Variants in KCNJ6 observed in about 807,000 individuals in gnomAD.
The protein encoded by KCNJ6 is potassium inwardly rectifying channel subfamily J member 6, also known as G protein-activated inward rectifier potassium channel 2.
A neutral mutation model predicts 34.2 loss-of-function variants in KCNJ6; 9 were observed. The ratio of observed to expected loss-of-function variants is 0.26; its 90% CI spans 0.16 to 0.46. The LOEUF is 0.46. Among genes scored for constraint, KCNJ6 ranks in the 20% least tolerant of loss-of-function variants. The pLI is 1.00. For missense variants in KCNJ6, 236 were observed against 531.3 expected, an observed-to-expected ratio of 0.44 and a Z score of 5.46; for synonymous variants, 196 against 207.1, an observed-to-expected ratio of 0.95 and a Z score of 0.46.
chr21:37,863,860 GTTT>G (rs56800970), intron 1 of KCNJ6, among the ~76,000 whole-genome samples: 19 of 81,094 alleles, frequency 2.3e-4, no homozygotes, highest in East Asian at 4.8e-4. Flanking sequence ...TTTTTTTTTT[GTTT>G]TTTTTTTTTT....
intron 3 of KCNJ6, among the ~76,000 whole-genome samples, chr21:37,655,335 C>A (rs1260708127): frequency 4.0e-5 from 6 of 151,474 alleles, no homozygotes; most frequent in Admixed American, 1.3e-4. Flanking sequence ...GCTCCTCCAC[C>A]AACACCCTCC....
intron 2 of KCNJ6, among the ~76,000 whole-genome samples, chr21:37,731,320 G>A (rs745374051): frequency 7.9e-5 from 12 of 152,066 alleles, no homozygotes; most frequent in Non-Finnish European, 1.8e-4. Flanking sequence ...TGGAGGAGAA[G>A]GGATAAGGCT....
chr21:37,772,577 C>A (rs577073230), intron 2 of KCNJ6, among the ~76,000 whole-genome samples: 68 of 152,166 alleles, frequency 4.5e-4, no homozygotes, highest in Middle Eastern at 3.4e-3. Context: ...TTTTAAAAGA[C>A]AAAATTATAA....
chr21:37,773,658 A>G (rs895034801), intron 2 of KCNJ6, among the ~76,000 whole-genome samples: 1 of 152,048 alleles, frequency 6.6e-6, no homozygotes, highest in African/African-American at 2.4e-5. Flanking sequence ...CGTTAAATTC[A>G]TCATCTCTAT....
chr21:37,877,705 G>A (rs948375506), intron 1 of KCNJ6, among the ~76,000 whole-genome samples: 3 of 151,942 alleles, frequency 2.0e-5, no homozygotes, highest in African/African-American at 7.2e-5. Flanking sequence ...CAGTCGGATC[G>A]GCCACAGGTG....
chr21:37,846,411 G>A (rs2055508409), intron 1 of KCNJ6, among the ~76,000 whole-genome samples: 1 of 150,204 alleles, frequency 6.7e-6, no homozygotes, highest in Non-Finnish European at 1.5e-5. Flanking sequence ...GTGTGAGGGA[G>A]AGAGGAGGAT....
At chr21:37,699,475 C>A (rs975339826) in intron 3 of KCNJ6, among the ~76,000 whole-genome samples, 1 of 152,184 alleles carries the variant, frequency 6.6e-6, no homozygotes, top group Non-Finnish European at 1.5e-5. Context: ...TTCTGGAAAG[C>A]GATCACCCTT....
chr21:37,668,770 G>A (rs2054528844), intron 3 of KCNJ6, among the ~76,000 whole-genome samples: 1 of 152,164 alleles, frequency 6.6e-6, no homozygotes, highest in African/African-American at 2.4e-5. Context: ...GCTGAGGAAG[G>A]AGAAGGATCC....
intron 1 of KCNJ6, among the ~76,000 whole-genome samples, chr21:37,908,824 C>A (rs913127327): frequency 1.3e-5 from 2 of 152,218 alleles, no homozygotes; most frequent in African/African-American, 4.8e-5. Context: ...ATTTCCTCTG[C>A]CTTACTCTAT....
In KCNJ6 at chr21:37,902,408, T is replaced by C. The variant is rs75569865; in HGVS notation, c.-28+13476A>G. Among the ~76,000 whole-genome samples the C allele has an allele frequency of 5.3e-5, 8 of 152,328 alleles. No individual in the cohort carries two copies. The East Asian group carries it at 1.5e-3, about 29-fold the overall frequency. The stretch of plus-strand genomic sequence containing the variant: ...CCCTCTGACCTACATAACAGTATTT[T>C]GGTGTTTTATTTCTTGTACAGTGGG... On this transcript the variant is annotated intron_variant, in intron 1 of 3. Coordinates refer to ENST00000609713, the MANE Select transcript of KCNJ6 (RefSeq NM_002240.5).
At chr21:37,862,341 C>T (rs1340642104) in intron 1 of KCNJ6, among the ~76,000 whole-genome samples, 1 of 152,196 alleles carries the variant, frequency 6.6e-6, no homozygotes, top group Non-Finnish European at 1.5e-5. Flanking sequence ...GAGAAGTCTT[C>T]TATTTTAACT....
chr21:37,893,250 C>T (rs1316896607), intron 1 of KCNJ6, among the ~76,000 whole-genome samples: 1 of 152,006 alleles, frequency 6.6e-6, no homozygotes. Context: ...CGCCATCTCC[C>T]AGGCTGGAGT....
intron 3 of KCNJ6, among the ~76,000 whole-genome samples, chr21:37,709,285 G>A (rs1318329976): frequency 6.6e-6 from 1 of 152,136 alleles, no homozygotes; most frequent in African/African-American, 2.4e-5. Context: ...GCCAAGGTGG[G>A]TGGATCACCT....
At chr21:37,707,735 G>GTGTGTGTGTGTGTGTATATGTGTGC in intron 3 of KCNJ6, among the ~76,000 whole-genome samples, 1 of 149,796 alleles carries the variant, frequency 6.7e-6, no homozygotes, top group African/African-American at 2.5e-5. Flanking sequence ...GTGTGTGTGT[G>GTGTGTGTGTGTGTGTATATGTGTGC]AATAATTTAC....
intron 1 of KCNJ6, among the ~76,000 whole-genome samples, chr21:37,866,277 C>A (rs1190528399): frequency 6.6e-6 from 1 of 152,228 alleles, no homozygotes; most frequent in Non-Finnish European, 1.5e-5. Context: ...AATTACATAA[C>A]ACAATGTCTT....
chr21:37,674,674 G>A (rs1326808791), intron 3 of KCNJ6, among the ~76,000 whole-genome samples: 1 of 151,056 alleles, frequency 6.6e-6, no homozygotes, highest in African/African-American at 2.4e-5. Context: ...AGCTCTGCAG[G>A]GACAGCTTCC....
At chr21:37,656,772 G>A (rs2054466244) in intron 3 of KCNJ6, among the ~76,000 whole-genome samples, 1 of 152,202 alleles carries the variant, frequency 6.6e-6, no homozygotes, top group African/African-American at 2.4e-5. Flanking sequence ...CACATTCTAC[G>A]TGGCCAAGCC....
intron 3 of KCNJ6, among the ~76,000 whole-genome samples, chr21:37,699,354 T>C (rs778633208): frequency 6.6e-6 from 1 of 152,178 alleles, no homozygotes; most frequent in African/African-American, 2.4e-5. Context: ...TTGCATAGTT[T>C]TGGAGGCTCA....
chr21:37,704,070 C>T (rs964429401), intron 3 of KCNJ6, among the ~76,000 whole-genome samples: 4 of 152,240 alleles, frequency 2.6e-5, no homozygotes, highest in African/African-American at 9.6e-5. Flanking sequence ...TATGATCTCT[C>T]TCTTCCCCTA....
Sources: allele counts gnomAD v4.1 joint callset (sites outside exome capture counted in the v4.1 genomes callset), GRCh38; gene constraint gnomAD v4.1.1; transcripts MANE v1.5; gene names NCBI Gene and HGNC (gene_info 2026-07-23, HGNC 2026-07-21).